The following GLI3 variants were observed in gnomAD, a reference collection of about 807,000 sequenced individuals.
GLI3 encodes GLI family zinc finger 3, also known as transcription activator GLI3.
In GLI3, 20 loss-of-function variants were observed where a neutral mutation model predicts 100.8. The observed-to-expected ratio is 0.20, with a 90% CI of 0.14 to 0.29. The LOEUF (loss-of-function observed/expected upper bound fraction) is 0.29, where lower values mean the gene tolerates loss of function less well. Ranked by LOEUF, GLI3 falls within the 10% of genes least tolerant of loss-of-function variation. GLI3 has a pLI of 1.00. For synonymous variants in GLI3, 938 were observed against 860.5 expected, an observed-to-expected ratio of 1.09 and a Z score of -1.58; for missense variants, 2,040 against 2,128.5, an observed-to-expected ratio of 0.96 and a Z score of 0.82.
At chr7:42,003,628 T>C (rs770820410) in intron 10 of GLI3, among the ~76,000 whole-genome samples, 6 of 152,120 alleles carry the variant, frequency 3.9e-5, no homozygotes, top group Non-Finnish European at 8.8e-5. Flanking sequence ...CTGGAGAAAA[T>C]AGAAATAACT....
At chr7:42,072,445 G>A (rs1784801383) in intron 4 of GLI3, among the ~76,000 whole-genome samples, 1 of 152,070 alleles carries the variant, frequency 6.6e-6, no homozygotes, top group African/African-American at 2.4e-5. Context: ...CTTTTAAAAA[G>A]GAAGCATGCT....
Position 42,054,091 on chromosome 7 carries a change from G to A in GLI3, c.474-5395C>T, listed in dbSNP as rs111544655. Reference sequence around the variant, plus strand: ...AATGAGTCACTGGCATTTTGTTTCCGTATTGCCCAGTGGAAACTGTTTGTT... The same window carrying A: ...AATGAGTCACTGGCATTTTGTTTCCATATTGCCCAGTGGAAACTGTTTGTT... On this transcript the variant is annotated intron_variant, in intron 4 of 14. Transcript: ENST00000395925. Among the ~76,000 whole-genome samples, 1,305 of 152,182 alleles carry A rather than the reference G, an allele frequency of 8.6e-3. 21 individuals are homozygous for A. Among genetic ancestry groups the A allele is most frequent in the African/African-American group, 0.025 (1,052 of 41,492 alleles).
intron 13 of GLI3, among the ~76,000 whole-genome samples, chr7:41,969,618 T>C (rs935608663): frequency 2.2e-4 from 34 of 152,352 alleles, no homozygotes; most frequent in African/African-American, 7.5e-4. Flanking sequence ...CTTCCTGAGG[T>C]ACTTGTTTCC....
chr7:42,113,271 A>G (rs1785760669), intron 3 of GLI3: 1 of 539,554 alleles, frequency 1.9e-6, no homozygotes, highest in East Asian at 4.7e-5. Flanking sequence ...CAGTGTGAAG[A>G]AGAAGAGGCG....
chr7:41,964,879 C>A lies in GLI3; in HGVS notation c.4194G>T (p.Pro1398=). The change falls in exon 15 of 15, where the codon CCG becomes CCT. Residue 1398 remains proline, a synonymous_variant. Transcript: ENST00000395925. ...CTGACTGCAGAGCAAGGCTGTCCCT[C>A]GGCATAGCCTGGCGCCTGCTGCCCC... ...SFGGSRRQAM[P]RDSLALQSGQ... is the part of the protein sequence containing the mutation. 1 of 1,613,834 alleles carries A rather than the reference C, an allele frequency of 6.2e-7. No homozygotes were observed. The highest frequency in any genetic ancestry group is 8.5e-7 in the Non-Finnish European group (1 of 1,180,004).
At chr7:42,210,044 T>C (rs895804997) in intron 2 of GLI3, among the ~76,000 whole-genome samples, 1 of 126,944 alleles carries the variant, frequency 7.9e-6, no homozygotes, top group Non-Finnish European at 1.7e-5. Context: ...TAAAGTGCCA[T>C]GTAAAATAAT....
At chr7:42,177,258 C>T (rs1268083885) in intron 2 of GLI3, among the ~76,000 whole-genome samples, 1 of 152,026 alleles carries the variant, frequency 6.6e-6, no homozygotes, top group Non-Finnish European at 1.5e-5. Flanking sequence ...GAGAAATATC[C>T]CCTGATGCAG....
chr7:42,203,084 ATTTG>A (rs1788079285), intron 2 of GLI3, among the ~76,000 whole-genome samples: 1 of 152,132 alleles, frequency 6.6e-6, no homozygotes, highest in Non-Finnish European at 1.5e-5. Context: ...TGTTTTATTT[ATTTG>A]TTTGTTTACT....
At chr7:42,235,689 A>C (rs1234734797) in intron 1 of GLI3, among the ~76,000 whole-genome samples, 1 of 152,168 alleles carries the variant, frequency 6.6e-6, no homozygotes, top group Non-Finnish European at 1.5e-5. Flanking sequence ...AGAACTAATA[A>C]TACCAGCCCG....
chr7:42,037,826 T>C (rs1408394327), intron 7 of GLI3, among the ~76,000 whole-genome samples: 1 of 152,162 alleles, frequency 6.6e-6, no homozygotes, highest in East Asian at 1.9e-4. Context: ...TGACAGTCTG[T>C]TAAGTACTGT....
At chr7:42,031,903 A>C (rs1235017014) in intron 7 of GLI3, among the ~76,000 whole-genome samples, 2 of 152,258 alleles carry the variant, frequency 1.3e-5, no homozygotes, top group Non-Finnish European at 2.9e-5. Context: ...TAAAATTATC[A>C]AAGTCTGAAT....
intron 12 of GLI3, among the ~76,000 whole-genome samples, chr7:41,975,586 C>T (rs1458181085): frequency 6.6e-6 from 1 of 152,156 alleles, no homozygotes; most frequent in Non-Finnish European, 1.5e-5. Context: ...GACATTACTA[C>T]CCAAGATATC....
chr7:42,213,572 C>T (rs965348903), intron 2 of GLI3, among the ~76,000 whole-genome samples: 4 of 152,160 alleles, frequency 2.6e-5, no homozygotes, highest in Admixed American at 2.6e-4. Context: ...CTTTCTGCTC[C>T]ATTTTCCAAG....
intron 3 of GLI3, among the ~76,000 whole-genome samples, chr7:42,109,398 A>T (rs1322659743): frequency 6.6e-6 from 1 of 152,044 alleles, no homozygotes; most frequent in Non-Finnish European, 1.5e-5. Context: ...TCCCACACAA[A>T]CCCCATGGGC....
intron 3 of GLI3, chr7:42,113,548 GA>G: frequency 8.4e-7 from 1 of 1,188,106 alleles, no homozygotes. Flanking sequence ...GCAAGGAGGG[GA>G]ATAACCCTAC....
chr7:42,210,745 C>A (rs1348204548), intron 2 of GLI3, among the ~76,000 whole-genome samples: 1 of 152,086 alleles, frequency 6.6e-6, no homozygotes, highest in Non-Finnish European at 1.5e-5. Flanking sequence ...TCTCTCCTTA[C>A]AATCTGTTGT....
chr7:41,998,738 C>T (rs1011892017), intron 10 of GLI3, among the ~76,000 whole-genome samples: 1 of 152,214 alleles, frequency 6.6e-6, no homozygotes, highest in African/African-American at 2.4e-5. Flanking sequence ...ATTTTCACCT[C>T]TACATTACTC....
At chr7:42,235,127 C>T (rs529090123) in intron 1 of GLI3, among the ~76,000 whole-genome samples, 1 of 152,288 alleles carries the variant, frequency 6.6e-6, no homozygotes, top group South Asian at 2.1e-4. Flanking sequence ...TATTTTAAAA[C>T]ATAGCATTTT....
At chr7:42,186,698 G>A (rs1787722909) in intron 2 of GLI3, among the ~76,000 whole-genome samples, 1 of 152,148 alleles carries the variant, frequency 6.6e-6, no homozygotes, top group Non-Finnish European at 1.5e-5. Flanking sequence ...AATAAACCTA[G>A]ACAAACATCA....
Sources: allele counts gnomAD v4.1 joint callset (sites outside exome capture counted in the v4.1 genomes callset), GRCh38; gene constraint gnomAD v4.1.1; transcripts MANE v1.5; gene names NCBI Gene and HGNC (gene_info 2026-07-23, HGNC 2026-07-21).